The following LSAMP variants were observed in gnomAD, a reference collection of about 807,000 sequenced individuals.
LSAMP encodes limbic system associated membrane protein.
A neutral mutation model predicts 38.6 loss-of-function variants in LSAMP; 7 were observed. The observed-to-expected ratio is 0.18, with a 90% CI of 0.10 to 0.34. LSAMP has a LOEUF of 0.34. LSAMP is among the 10% of genes least tolerant of loss of function. LSAMP has a pLI of 1.00. For synonymous variants in LSAMP, 154 were observed against 166.8 expected, an observed-to-expected ratio of 0.92 and a Z score of 0.59; for missense variants, 313 against 420.0, an observed-to-expected ratio of 0.75 and a Z score of 2.23.
intron 1 of LSAMP, among the ~76,000 whole-genome samples, chr3:116,234,594 A>C (rs2046442986): frequency 6.6e-6 from 1 of 152,176 alleles, no homozygotes; most frequent in African/African-American, 2.4e-5. Context: ...CCACATTAGT[A>C]CTGACAGAGT....
intron 1 of LSAMP, among the ~76,000 whole-genome samples, chr3:116,366,906 A>T (rs1010429497): frequency 6.6e-6 from 1 of 152,170 alleles, no homozygotes; most frequent in Non-Finnish European, 1.5e-5. Context: ...GAGCCACCGC[A>T]TTGCCTAGAC....
chr3:115,889,607 T>A (rs568941226), intron 3 of LSAMP, among the ~76,000 whole-genome samples: 1 of 152,074 alleles, frequency 6.6e-6, no homozygotes, highest in East Asian at 1.9e-4. Context: ...ATGGAGAAGA[T>A]GGCATTGGAG....
At chr3:115,982,199 G>A (rs1455014523) in intron 3 of LSAMP, among the ~76,000 whole-genome samples, 1 of 152,196 alleles carries the variant, frequency 6.6e-6, no homozygotes. Flanking sequence ...TGATGAATGA[G>A]AATAACACCT....
chr3:116,441,653 C>T (rs2049436981), intron 1 of LSAMP, among the ~76,000 whole-genome samples: 1 of 152,122 alleles, frequency 6.6e-6, no homozygotes, highest in African/African-American at 2.4e-5. Flanking sequence ...AGGGAAGAAA[C>T]AGTGTTAGAA....
intron 1 of LSAMP, among the ~76,000 whole-genome samples, chr3:116,162,497 T>C (rs1455054408): frequency 6.6e-6 from 1 of 152,178 alleles, no homozygotes. Flanking sequence ...GTTGGGAAAC[T>C]ATTCCCTATT....
chr3:116,207,543 C>T (rs6438302), intron 1 of LSAMP, among the ~76,000 whole-genome samples: 30,042 of 151,278 alleles, frequency 0.2, 3,056 homozygotes, highest in Admixed American at 0.24. Context: ...CGGCTGGTCC[C>T]GGTTGTTCCT....
At chr3:116,215,092 A>T (rs970105720) in intron 1 of LSAMP, among the ~76,000 whole-genome samples, 2 of 152,218 alleles carry the variant, frequency 1.3e-5, no homozygotes, top group African/African-American at 4.8e-5. Context: ...TTGCGGACGG[A>T]TGGACCAAAA....
intron 1 of LSAMP, among the ~76,000 whole-genome samples, chr3:116,378,444 A>ATC (rs2048518840): frequency 6.6e-6 from 1 of 152,076 alleles, no homozygotes; most frequent in Non-Finnish European, 1.5e-5. Flanking sequence ...GAGTAAAAAC[A>ATC]TCTCTCTCTC....
intron 1 of LSAMP, among the ~76,000 whole-genome samples, chr3:116,272,438 C>T (rs529559583): frequency 2.6e-5 from 4 of 152,272 alleles, no homozygotes; most frequent in African/African-American, 9.6e-5. Context: ...GATCCCTAGT[C>T]AATCCTTTGA....
chr3:116,435,156 G>A (rs1380223360), intron 1 of LSAMP, among the ~76,000 whole-genome samples: 1 of 152,168 alleles, frequency 6.6e-6, no homozygotes, highest in East Asian at 1.9e-4. Flanking sequence ...TCCGTGCTCT[G>A]AGATTAACCT....
intron 6 of LSAMP, among the ~76,000 whole-genome samples, chr3:115,822,462 G>T (rs1490225577): frequency 6.7e-6 from 1 of 149,980 alleles, no homozygotes; most frequent in Non-Finnish European, 1.5e-5. Context: ...CCAAGTTCAA[G>T]CAATTATCCT....
intron 1 of LSAMP, among the ~76,000 whole-genome samples, chr3:116,351,219 G>A (rs953852991): frequency 2.0e-5 from 3 of 152,002 alleles, no homozygotes; most frequent in African/African-American, 7.2e-5. Flanking sequence ...AGTGAAGGCA[G>A]TGCACCTGCT....
intron 3 of LSAMP, among the ~76,000 whole-genome samples, chr3:115,885,891 G>A (rs1179958988): frequency 1.3e-5 from 2 of 151,856 alleles, no homozygotes; most frequent in African/African-American, 2.4e-5. Context: ...GTGAGTACTT[G>A]ACCTCTTAAA....
chr3:116,305,548 A>G (rs970454981), intron 1 of LSAMP, among the ~76,000 whole-genome samples: 1 of 135,082 alleles, frequency 7.4e-6, no homozygotes, highest in Non-Finnish European at 1.7e-5. Context: ...AGCTTGCACG[A>G]AAAAAAAATA....
rs540635642 is a variant in LSAMP at position 115,958,505 on chromosome 3, T to C, written c.514+61010A>G. Among the ~76,000 whole-genome samples, 4 of 152,208 alleles carry C rather than the reference T, an allele frequency of 2.6e-5. No individual in the cohort carries two copies. The South Asian group carries it at 8.3e-4, about 32-fold the overall frequency. On this transcript the variant is annotated intron_variant, in intron 3 of 6. Transcript: ENST00000490035. ...CTTCAGTTTGCTCAGACATTATAAA[T>C]CCTGTGTGAGAAATGAGGAGAAAAT... is the stretch of plus-strand genomic sequence containing the variant.
chr3:116,060,550 C>T (rs1024563080), intron 2 of LSAMP, among the ~76,000 whole-genome samples: 1 of 152,112 alleles, frequency 6.6e-6, no homozygotes, highest in African/African-American at 2.4e-5. Context: ...CATCTGAGGT[C>T]GGGAGTTCGA....
At chr3:115,856,618 C>G (rs1035569511) in intron 3 of LSAMP, among the ~76,000 whole-genome samples, 1 of 116,664 alleles carries the variant, frequency 8.6e-6, no homozygotes, top group Non-Finnish European at 1.8e-5. Flanking sequence ...GACTCCATCT[C>G]AAAAAAAAAA....
chr3:116,339,655 G>A (rs2047967078), intron 1 of LSAMP, among the ~76,000 whole-genome samples: 1 of 151,910 alleles, frequency 6.6e-6, no homozygotes, highest in Non-Finnish European at 1.5e-5. Context: ...ATCATAAAAG[G>A]CAATAGAGTT....
At chr3:115,841,488 T>A (rs1241229732) in intron 6 of LSAMP, 2 of 168,630 alleles carry the variant, frequency 1.2e-5, no homozygotes, top group African/African-American at 4.8e-5. Context: ...CAAAAAACAC[T>A]GTTATCCATT....
Sources: allele counts gnomAD v4.1 joint callset (sites outside exome capture counted in the v4.1 genomes callset), GRCh38; gene constraint gnomAD v4.1.1; transcripts MANE v1.5; gene names NCBI Gene and HGNC (gene_info 2026-07-23, HGNC 2026-07-21).